The following KASH5 variants were observed in gnomAD, a reference collection of about 807,000 sequenced individuals.
KASH5 encodes KASH domain containing 5, also known as protein KASH5.
In KASH5, 72 loss-of-function variants were observed where a neutral mutation model predicts 84.2. That is an observed-to-expected ratio of 0.85 (90% confidence interval 0.71 to 1.04). KASH5 has a LOEUF of 1.04. Ranked by LOEUF, KASH5 falls within the 50% of genes least tolerant of loss-of-function variation. The pLI is 0.00. For synonymous variants in KASH5, 260 were observed against 279.1 expected (o/e 0.93, Z 0.68); for missense variants, 650 against 701.0 (o/e 0.93, Z 0.82).
At chr19:49,411,918 GGGAAGGAA>G (rs56314106) in intron 15 of KASH5, among the ~76,000 whole-genome samples, 37,479 of 127,976 alleles carry the variant, frequency 0.29, 5,817 homozygotes, top group South Asian at 0.35. Flanking sequence ...GAGGGAAGGA[GGGAAGGAA>G]GGAAGGAAGG....
At chr19:49,405,549 G>A (rs980480070) in intron 9 of KASH5, among the ~76,000 whole-genome samples, 12 of 151,974 alleles carry the variant, frequency 7.9e-5, no homozygotes, top group African/African-American at 2.9e-4. Flanking sequence ...GTATGATAGT[G>A]GTATTGTGGT....
At chr19:49,393,099 C>T (rs1291067601) in intron 2 of KASH5, among the ~76,000 whole-genome samples, 3 of 152,154 alleles carry the variant, frequency 2.0e-5, no homozygotes, top group Admixed American at 1.3e-4. Context: ...AAAGTTGACT[C>T]ATATGTTAAA....
chr19:49,408,878 G>A, intron 12 of KASH5, 89 bp from the exon 13 acceptor site: 2 of 1,398,396 alleles, frequency 1.4e-6, no homozygotes, highest in Non-Finnish European at 2.0e-6. Flanking sequence ...TCAGGAAAGG[G>A]GAAAGAACCC....
At position 49,399,037 on chromosome 19, in the gene KASH5, C is replaced by T. The variant is rs1048396063; in HGVS notation, c.642C>T (p.Ala214=). 4.5e-6 allele frequency: 7 copies of T among 1,551,334 alleles called. No homozygotes were observed. Among genetic ancestry groups the T allele is most frequent in the Middle Eastern group, 1.7e-4 (1 of 6,012 alleles). The change falls in exon 8 of 20, where the codon GCC becomes GCT. Residue 214 remains alanine (A), a synonymous_variant. Transcript: ENST00000447857. This position sits in a 1 kb window ranked among gnomAD's most constrained non-coding sequence, Gnocchi z 4.4. ...LRKQLHSTQQ[A]LQFAKAMDEE... ...CACCCGCATTCAGCACCCAGCAGGC[C>T]CTGCAGTTTGCCAAGGCCATGGATG...
Position 49,399,491 on chromosome 19 carries a change from A to T in KASH5, c.782A>T (p.Glu261Val). The change falls in exon 9 of 20, where the codon GAG (glutamate) becomes GTG (valine). Residue 261 changes from glutamate to valine, a missense_variant. Glu to Val is a moderately radical substitution (Grantham distance 121, BLOSUM62 -2). Transcript: ENST00000447857. The surrounding 1 kb of genome is among the most constrained non-coding windows in gnomAD (Gnocchi z 4.4). ...KEQQHLVAEM[E>V]TLQEENGKLL... ...CAGCAGCATCTGGTGGCTGAGATGG[A>T]GACTCTGCAGGAGGAGGTGAGCGGA... 1 of 1,610,664 alleles carries T rather than the reference A, an allele frequency of 6.2e-7. No homozygotes were observed. The highest frequency in any genetic ancestry group is 8.5e-7 in the Non-Finnish European group (1 of 1,178,636).
In KASH5 at chr19:49,395,605, C is replaced by T. The variant is rs1568610874; in HGVS notation, c.336-164C>T. On this transcript the variant is annotated intron_variant, in intron 4 of 19. Transcript: ENST00000447857. The surrounding 1 kb of genome is among the most constrained non-coding windows in gnomAD (Gnocchi z 4.4). ...CCACTCCTTGCCCCTCCTGCTTTTC[C>T]ATCTGGCCACGGGCACTTGCCATCT... The T allele has an allele frequency of 1.4e-6, 1 of 703,056 alleles. No individual in the cohort carries two copies. The highest frequency in any genetic ancestry group is 1.8e-5 in the African/African-American group (1 of 56,440). 43.6% of individuals were successfully genotyped at this position (703,056 alleles called of 1,614,324 possible). A position where few individuals can be genotyped will look rare whatever the true frequency, so the allele number is the denominator to read the frequency against.
intron 2 of KASH5, among the ~76,000 whole-genome samples, chr19:49,391,234 C>T (rs185169782): frequency 1.3e-5 from 2 of 152,196 alleles, no homozygotes; most frequent in East Asian, 3.9e-4. Context: ...AAGCAGCTGC[C>T]CTGTGACACT....
chr19:49,417,468 G>T lies in KASH5; in HGVS notation c.1647G>T (p.Trp549Cys). The T allele has an allele frequency of 6.4e-7, 1 of 1,553,022 alleles. No individual in the cohort carries two copies. Among genetic ancestry groups the T allele is most frequent in the Non-Finnish European group, 8.7e-7 (1 of 1,148,682 alleles). ...TTGGCCCGTCCCCACCTCCCACCTG[G>T]CCCCACCTCCAGCTCTGCTACCTCC... ...LLLGPSPPPT[W>C]PHLQLCYLQP... The change falls in exon 20 of 20, where the codon TGG becomes TGT. Residue 549 changes from tryptophan (W) to cysteine (C), a missense_variant. Trp to Cys is a radical substitution (Grantham distance 215). Coordinates refer to ENST00000447857, the MANE Select transcript of KASH5 (RefSeq NM_144688.5). This position sits in a 1 kb window ranked among gnomAD's most constrained non-coding sequence, Gnocchi z 5.2.
intron 7 of KASH5, among the ~76,000 whole-genome samples, 189 bp downstream of exon 7, chr19:49,398,332 T>G (rs1226528079): frequency 6.6e-6 from 1 of 152,166 alleles, no homozygotes; most frequent in Non-Finnish European, 1.5e-5. Flanking sequence ...TGTTTTGGTC[T>G]TTTTATCTTT....
chr19:49,398,491 C>T (rs1974258973), intron 7 of KASH5, among the ~76,000 whole-genome samples: 1 of 151,838 alleles, frequency 6.6e-6, no homozygotes, highest in African/African-American at 2.4e-5. Flanking sequence ...ACCTCAGCTT[C>T]CCAAGTAGCT....
At chr19:49,407,112 T>C in intron 10 of KASH5, 128 bp from the exon 11 acceptor site, 1 of 1,321,460 alleles carries the variant, frequency 7.6e-7, no homozygotes, top group Non-Finnish European at 1.1e-6. Flanking sequence ...CTAAAATCCC[T>C]GAAGTCCTGG....
At chr19:49,408,866 A>T in intron 12 of KASH5, 101 bp from the exon 13 acceptor site, 1 of 1,215,624 alleles carries the variant, frequency 8.2e-7, no homozygotes, top group African/African-American at 1.5e-5. Flanking sequence ...AGCCCAAAGT[A>T]GTCAGGAAAG....
Position 49,417,140 on chromosome 19 carries a change from C to T in KASH5, c.1440-19C>T. ...GGCAAGGAAAAACCCAGTGGTGATTCCCTCCTTCACCCCAGCAGACCTGCG... is the reference window on the plus strand; with the variant it reads ...GGCAAGGAAAAACCCAGTGGTGATTTCCTCCTTCACCCCAGCAGACCTGCG... On this transcript the variant is annotated intron_variant, in intron 18 of 19. Coordinates refer to ENST00000447857, the MANE Select transcript of KASH5 (RefSeq NM_144688.5). The surrounding 1 kb of genome is among the most constrained non-coding windows in gnomAD (Gnocchi z 5.2). 6.2e-7 allele frequency: 1 copy of T among 1,611,954 alleles called. No homozygotes were observed. The highest frequency in any genetic ancestry group is 8.5e-7 in the Non-Finnish European group (1 of 1,179,014).
rs1313389854 is a variant in KASH5, at chr19:49,414,561, T to C, written c.1329-390T>C. On this transcript the variant is annotated intron_variant, in intron 16 of 19. Coordinates refer to ENST00000447857, the MANE Select transcript of KASH5 (RefSeq NM_144688.5). The surrounding 1 kb of genome is among the most constrained non-coding windows in gnomAD (Gnocchi z 4.5). The stretch of plus-strand genomic sequence containing the variant: ...CCAGCTGGGGGATCTGCTGGGGAAG[T>C]AGTGGCTGAGAAAACCAATCTGAGA... Among the ~76,000 whole-genome samples, 6 of 152,018 alleles carry C rather than the reference T, an allele frequency of 3.9e-5. No homozygotes were observed. The highest frequency in any genetic ancestry group is 6.5e-5 in the Admixed American group (1 of 15,270).
At chr19:49,404,766 C>A (rs1393487246) in intron 9 of KASH5, among the ~76,000 whole-genome samples, 1 of 152,176 alleles carries the variant, frequency 6.6e-6, no homozygotes, top group Non-Finnish European at 1.5e-5. Flanking sequence ...AATGATTATA[C>A]TATTAATAGG....
chr19:49,410,546 C>G (rs569314495), intron 15 of KASH5, among the ~76,000 whole-genome samples: 10 of 150,050 alleles, frequency 6.7e-5, no homozygotes, highest in African/African-American at 2.5e-4. Flanking sequence ...TGCAGTGGCA[C>G]GATCTCAGCT....
rs201036885 is a variant in KASH5 at position 49,394,584 on chromosome 19, G to T, written c.148+4G>T. ...GCTTGTGACCCTCAGAGGACAGGTG[G>T]TGGGGGCATGAGGGGTGCTGGGGAC... On this transcript the variant is annotated splice_donor_region_variant and intron_variant, in intron 3 of 19. Transcript: ENST00000447857. 8.7e-4 allele frequency: 1,405 copies of T among 1,610,766 alleles called. 2 individuals are homozygous for T. The highest frequency in any genetic ancestry group is 1.1e-3 in the Non-Finnish European group (1,254 of 1,177,336).
intron 5 of KASH5, among the ~76,000 whole-genome samples, chr19:49,396,647 C>T (rs973940743): frequency 3.3e-5 from 5 of 152,260 alleles, no homozygotes; most frequent in African/African-American, 1.2e-4. Context: ...TAGGCCTTTC[C>T]ATTGGAACAT....
At chr19:49,396,792 CG>C (rs1961974456) in intron 5 of KASH5, among the ~76,000 whole-genome samples, 1 of 152,088 alleles carries the variant, frequency 6.6e-6, no homozygotes, top group Non-Finnish European at 1.5e-5. Context: ...TGATTACAGG[CG>C]TGAGCCTGTA....
Sources: gnomAD v4.1 joint callset for allele counts (sites outside exome capture counted in the v4.1 genomes callset) on GRCh38, gnomAD v4.1.1 for gene constraint, Gnocchi (gnomAD v3.1) non-coding constraint, MANE v1.5 for transcripts, NCBI Gene and HGNC (gene_info 2026-07-23, HGNC 2026-07-21) for gene names.